The following DIDO1 variants were observed in gnomAD, a reference collection of about 807,000 sequenced individuals.
DIDO1 encodes the protein death-inducer obliterator 1.
DIDO1 carries 16 observed loss-of-function variants against 99.4 expected under a neutral mutation model. The observed-to-expected ratio is 0.16, with a 90% CI of 0.11 to 0.24. The LOEUF (loss-of-function observed/expected upper bound fraction) is 0.24. Among genes scored for constraint, DIDO1 ranks in the 10% least tolerant of loss-of-function variants. The pLI, the probability that DIDO1 is intolerant of heterozygous loss-of-function variation, is 1.00. For synonymous variants in DIDO1, 1,366 were observed against 1,239.1 expected (o/e 1.10, Z -2.15); for missense variants, 2,996 against 3,014.0 (o/e 0.99, Z 0.14).
chr20:62,887,387 A>C, intron 15 of DIDO1: 3 of 985,452 alleles, frequency 3.0e-6, no homozygotes, highest in Non-Finnish European at 3.6e-6. Context: ...CTAATTTAGA[A>C]AGCAATTAAA....
At chr20:62,888,188 C>T in intron 15 of DIDO1, 4 of 985,514 alleles carry the variant, frequency 4.1e-6, no homozygotes, top group Non-Finnish European at 3.6e-6. Flanking sequence ...GACTGGACAC[C>T]ACGCTGTCAA....
intron 1 of DIDO1, among the ~76,000 whole-genome samples, chr20:62,925,994 G>A (rs1305264907): frequency 3.3e-5 from 5 of 152,118 alleles, no homozygotes; most frequent in East Asian, 1.9e-4. Context: ...GGCCCGGGAG[G>A]AAGCGCCGAG....
rs895987645 is a variant in DIDO1 at position 62,879,152 on chromosome 20, A to C, written c.*81T>G. The stretch of plus-strand genomic sequence containing the variant: ...CAGAATATTCTATCCTGAATCTAAG[A>C]TCGTGGCTATTTCAAAAGCTATTTG... On this transcript the variant is annotated 3_prime_UTR_variant, in exon 16 of 16. Transcript: ENST00000395343. The surrounding 1 kb of genome is among the most constrained non-coding windows in gnomAD (Gnocchi z 6.3). The C allele has an allele frequency of 5.8e-5, 74 of 1,267,928 alleles. No homozygotes were observed. The African/African-American group carries it at 1.0e-3, about 17-fold the overall frequency. The allele number at this position is 1,267,928 out of a possible 1,614,324, so 78.5% of individuals were successfully genotyped here.
rs1264173373 is a variant in DIDO1 at position 62,878,188 on chromosome 20, GT to G, written c.*1044del. ...TGAAAATATAAAAAATTATCAAAGTGTATTTGTACAAATAAATTAGCCAGAT... is the reference window on the plus strand; with the variant it reads ...TGAAAATATAAAAAATTATCAAAGTGATTTGTACAAATAAATTAGCCAGAT... On this transcript the variant is annotated 3_prime_UTR_variant, in exon 16 of 16. Transcript: ENST00000395343. The G allele has an allele frequency of 1.3e-5, 2 of 152,172 alleles. No homozygotes were observed. Among genetic ancestry groups the G allele is most frequent in the East Asian group, 3.8e-4 (2 of 5,202 alleles). 9.4% of individuals were successfully genotyped at this position (152,172 alleles called of 1,614,324 possible).
chr20:62,928,739 T>C (rs531790998), upstream of DIDO1: 1 of 152,200 alleles, frequency 6.6e-6, no homozygotes, highest in Admixed American at 6.5e-5. Flanking sequence ...ACCCCACAAG[T>C]AGCACCGATT....
intron 6 of DIDO1, among the ~76,000 whole-genome samples, chr20:62,897,617 G>GCGTC (rs1473937021): frequency 6.6e-6 from 1 of 152,226 alleles, no homozygotes; most frequent in Non-Finnish European, 1.5e-5. Context: ...TTACAGGAAT[G>GCGTC]CGTCCATTCA....
rs752461471 is a variant in DIDO1 at position 62,892,979 on chromosome 20, TA to T, written c.3102-18del. The stretch of plus-strand genomic sequence containing the variant: ...TCTGAAGTGCTGTAAAACAAAACCA[TA>T]AAAAAAAAGTCAATGTCTCTCTGTG... On this transcript the variant is annotated intron_variant, in intron 12 of 15. Transcript: ENST00000395343. The T allele has an allele frequency of 6.0e-5, 93 of 1,562,604 alleles. No individual in the cohort carries two copies. Among genetic ancestry groups the T allele is most frequent in the Admixed American group, 4.0e-4 (21 of 52,242 alleles).
intron 15 of DIDO1, chr20:62,889,386 A>G (rs562118999): frequency 2.0e-6 from 2 of 985,452 alleles, no homozygotes; most frequent in South Asian, 9.4e-5. Flanking sequence ...CTCACCTGAC[A>G]GCTCCAAGTT....
At position 62,896,692 on chromosome 20, in the gene DIDO1, G is replaced by C; in HGVS notation, c.1893C>G (p.Ser631=). The part of the protein sequence containing the change: ...ATAASKKFPG[S]AALVGAVRKP... ...TCCTTACGGCTCCCACCAAAGCAGC[G>C]GAGCCAGGGAACTTCTTGGAGGCAG... is the stretch of plus-strand genomic sequence containing the variant. Residue 631 remains serine (S), a synonymous_variant, in exon 7 of 16, where the codon TCC becomes TCG. Transcript: ENST00000395343. This position sits in a 1 kb window ranked among gnomAD's most constrained non-coding sequence, Gnocchi z 4.4. The C allele has an allele frequency of 7.4e-6, 12 of 1,613,942 alleles. No individual in the cohort carries two copies. Among genetic ancestry groups the C allele is most frequent in the African/African-American group, 1.3e-5 (1 of 75,060 alleles).
intron 1 of DIDO1, among the ~76,000 whole-genome samples, 183 bp downstream of exon 1, chr20:62,926,256 T>TCGCCCGCC (rs3069125): frequency 8.0e-5 from 12 of 149,652 alleles, no homozygotes; most frequent in Non-Finnish European, 1.5e-4. Flanking sequence ...CCCCGCCCGC[T>TCGCCCGCC]CGCCCGCCCG....
intron 1 of DIDO1, among the ~76,000 whole-genome samples, chr20:62,920,344 GC>G (rs1226573156): frequency 6.6e-6 from 1 of 152,060 alleles, no homozygotes; most frequent in Non-Finnish European, 1.5e-5. Context: ...TAATTCCATG[GC>G]CCCAAGCACA....
chr20:62,907,024 G>T, intron 5 of DIDO1, 123 bp downstream of exon 5: 1 of 959,508 alleles, frequency 1.0e-6, no homozygotes, highest in Non-Finnish European at 1.6e-6. Flanking sequence ...AGGTCAAGGC[G>T]ACACCACGTG....
chr20:62,929,692 A>AGT (rs747875599), upstream of DIDO1, among the ~76,000 whole-genome samples: 1 of 63,710 alleles, frequency 1.6e-5, no homozygotes, highest in African/African-American at 7.6e-5. Flanking sequence ...AAAAAGAAAA[A>AGT]GTGTATATAT....
At chr20:62,891,899 T>C in intron 14 of DIDO1, 88 bp downstream of exon 14, 1 of 1,083,218 alleles carries the variant, frequency 9.2e-7, no homozygotes, top group Non-Finnish European at 1.3e-6. Context: ...TTTTAAGTGT[T>C]AACCCATCCA....
Position 62,894,990 on chromosome 20 carries a change from AATTT to A in DIDO1, c.2331+55_2331+58del. 1 of 1,597,210 alleles carries A rather than the reference AATTT, an allele frequency of 6.3e-7. No homozygotes were observed. The highest frequency in any genetic ancestry group is 1.3e-5 in the African/African-American group (1 of 74,522). On this transcript the variant is annotated intron_variant, in intron 9 of 15. Transcript: ENST00000395343. This position sits in a 1 kb window ranked among gnomAD's most constrained non-coding sequence, Gnocchi z 4.4. The stretch of plus-strand genomic sequence containing the variant: ...AGCATCGCTTATGCAGCCGTCTATG[AATTT>A]ATTTCTATTAAGCTCGAGTCCTGGG...
chr20:62,934,118 C>T (rs180902868), intron 1 of DIDO1, among the ~76,000 whole-genome samples: 39 of 152,326 alleles, frequency 2.6e-4, no homozygotes, highest in South Asian at 8.3e-4. Flanking sequence ...TTGTCACTGT[C>T]CCAGATGCCA....
intron 6 of DIDO1, chr20:62,905,659 G>T (rs1162811536): frequency 6.3e-7 from 1 of 1,584,850 alleles, no homozygotes; most frequent in Non-Finnish European, 8.6e-7. Flanking sequence ...TCACCAGTGA[G>T]GTTTACAGCT....
chr20:62,915,683 G>A (rs566306410), intron 1 of DIDO1, among the ~76,000 whole-genome samples: 14 of 152,166 alleles, frequency 9.2e-5, no homozygotes, highest in Admixed American at 4.6e-4. Context: ...TTTAGAGACA[G>A]GGTTTTGCTA....
intron 1 of DIDO1, among the ~76,000 whole-genome samples, chr20:62,922,194 GTGTATA>G (rs746215279): frequency 6.7e-6 from 1 of 148,326 alleles, no homozygotes; most frequent in Admixed American, 6.7e-5. Flanking sequence ...GTGTGTGTGT[GTGTATA>G]TATATATGTA....
Sources: allele counts gnomAD v4.1 joint callset (sites outside exome capture counted in the v4.1 genomes callset), GRCh38; gene constraint gnomAD v4.1.1; non-coding constraint Gnocchi (gnomAD v3.1); transcripts MANE v1.5; gene names NCBI Gene and HGNC (gene_info 2026-07-23, HGNC 2026-07-21).